The following CAST variants were observed in gnomAD, a reference collection of about 807,000 sequenced individuals.
The protein encoded by CAST is MIR583 host.
In CAST, 76 loss-of-function variants were observed where a neutral mutation model predicts 119.6. The ratio of observed to expected loss-of-function variants is 0.64; its 90% CI spans 0.53 to 0.77. CAST has a LOEUF of 0.77. Ranked by LOEUF, CAST falls within the 30% of genes least tolerant of loss-of-function variation. The probability of loss-of-function intolerance (pLI) is 0.00; values close to 1 mark genes in which losing one functional copy is unlikely to be tolerated. For missense variants in CAST, 953 were observed against 946.5 expected (o/e 1.01, Z -0.09); for synonymous variants, 319 against 331.6 (o/e 0.96, Z 0.41).
chr5:96,183,028 C>A, the CAST span, among the ~76,000 whole-genome samples: 1 of 151,766 alleles, frequency 6.6e-6, no homozygotes, highest in Non-Finnish European at 1.5e-5. Context: ...AGTCCCAGCT[C>A]CTCGGGAGGC....
chr5:96,062,290 C>A, the CAST span, among the ~76,000 whole-genome samples: 1 of 152,044 alleles, frequency 6.6e-6, no homozygotes, highest in Non-Finnish European at 1.5e-5. Context: ...GATAGAATGA[C>A]CTTGTGAAGA....
At chr5:96,174,915 A>G in the CAST span, among the ~76,000 whole-genome samples, 3 of 152,100 alleles carry the variant, frequency 2.0e-5, no homozygotes, top group Non-Finnish European at 2.9e-5. Flanking sequence ...TTCCTCCTCA[A>G]TCTTTTTGTA....
the CAST span, among the ~76,000 whole-genome samples, chr5:96,361,675 A>G: frequency 2.2e-3 from 329 of 151,674 alleles, 2 homozygotes; most frequent in South Asian, 0.011. Context: ...CTGTCTAACC[A>G]GTCCTATTGA....
the CAST span, among the ~76,000 whole-genome samples, chr5:96,397,108 ATAAG>A: frequency 6.6e-6 from 1 of 152,236 alleles, no homozygotes; most frequent in Non-Finnish European, 1.5e-5. Flanking sequence ...CATTGTTTAT[ATAAG>A]TGTTTTTCCC....
chr5:96,189,362 G>A, the CAST span, among the ~76,000 whole-genome samples: 10 of 152,028 alleles, frequency 6.6e-5, no homozygotes, highest in African/African-American at 1.9e-4. Context: ...ATTTGGCTGG[G>A]GATATACTTC....
chr5:96,397,267 C>T, the CAST span: 7 of 1,375,486 alleles, frequency 5.1e-6, no homozygotes, highest in Non-Finnish European at 7.2e-6. Flanking sequence ...ATGATGAAAT[C>T]AACCTTAAAA....
chr5:96,425,049 AAAG>A, the CAST span, among the ~76,000 whole-genome samples: 895 of 143,834 alleles, frequency 6.2e-3, 13 homozygotes, highest in African/African-American at 0.022. Flanking sequence ...AGAAAGAAAG[AAAG>A]AAAGAAAGAA....
At chr5:96,050,833 G>A in the CAST span, among the ~76,000 whole-genome samples, 1 of 152,152 alleles carries the variant, frequency 6.6e-6, no homozygotes, top group African/African-American at 2.4e-5. Flanking sequence ...GGCGAGTACT[G>A]GAGTGTGCGG....
the CAST span, among the ~76,000 whole-genome samples, chr5:96,140,294 G>A: frequency 6.6e-6 from 1 of 152,284 alleles, no homozygotes; most frequent in Admixed American, 6.5e-5. Flanking sequence ...CATTATTCCT[G>A]GGCTGGAGAT....
chr5:96,384,404 G>C, the CAST span, among the ~76,000 whole-genome samples: 33 of 152,284 alleles, frequency 2.2e-4, no homozygotes, highest in African/African-American at 7.9e-4. Flanking sequence ...ATAAACGAAA[G>C]CTGTCCTTGA....
the CAST span, among the ~76,000 whole-genome samples, chr5:96,381,194 C>A: frequency 3.3e-5 from 5 of 152,036 alleles, no homozygotes; most frequent in African/African-American, 1.2e-4. Context: ...CAATGCAATT[C>A]TTCTCATTAA....
chr5:96,302,722 G>A, the CAST span, among the ~76,000 whole-genome samples: 1 of 152,238 alleles, frequency 6.6e-6, no homozygotes, highest in Non-Finnish European at 1.5e-5. Context: ...AGCATAGCAA[G>A]AAGGACCTTT....
chr5:96,579,417 G>A (rs892130585), intron 1 of CAST, among the ~76,000 whole-genome samples: 136 of 152,312 alleles, frequency 8.9e-4, no homozygotes, highest in African/African-American at 3.2e-3. Context: ...GTGCTTCCCA[G>A]ACACTTATTG....
intron 1 of CAST, among the ~76,000 whole-genome samples, chr5:96,571,598 T>C (rs1471795922): frequency 6.6e-6 from 1 of 152,176 alleles, no homozygotes; most frequent in African/African-American, 2.4e-5. Flanking sequence ...AGGTTTTCTG[T>C]TATCAACAAT....
intron 10 of CAST, 117 bp from the exon 11 acceptor site, chr5:96,737,732 T>C (rs1761948443): frequency 3.4e-6 from 2 of 593,608 alleles, no homozygotes; most frequent in African/African-American, 1.9e-5. Flanking sequence ...GGGGAACTAT[T>C]TGAAGAACTT....
chr5:96,064,850 G>C, the CAST span, among the ~76,000 whole-genome samples: 1 of 152,082 alleles, frequency 6.6e-6, no homozygotes, highest in South Asian at 2.1e-4. Context: ...TAACATTTAT[G>C]CTACTATATT....
intron 10 of CAST, among the ~76,000 whole-genome samples, chr5:96,737,354 G>A (rs1761878547): frequency 1.3e-5 from 2 of 152,116 alleles, no homozygotes; most frequent in African/African-American, 2.4e-5. Flanking sequence ...AATACAGAGT[G>A]ATTTCCCTCA....
At chr5:96,069,221 ATATG>A in the CAST span, among the ~76,000 whole-genome samples, 2 of 151,944 alleles carry the variant, frequency 1.3e-5, no homozygotes, top group African/African-American at 4.8e-5. Context: ...ATATACATAT[ATATG>A]TGTGTATGTA....
At chr5:96,333,259 T>G in the CAST span, among the ~76,000 whole-genome samples, 13 of 152,092 alleles carry the variant, frequency 8.5e-5, no homozygotes, top group Admixed American at 2.0e-4. Flanking sequence ...GTACAGTGTG[T>G]TCCTGGTGGG....
Sources: gnomAD v4.1 joint callset for allele counts (sites outside exome capture counted in the v4.1 genomes callset) on GRCh38, gnomAD v4.1.1 for gene constraint, MANE v1.5 for transcripts, NCBI Gene and HGNC (gene_info 2026-07-23, HGNC 2026-07-21) for gene names.